The following CAMK2A variants were observed in gnomAD, a reference collection of about 807,000 sequenced individuals.
CAMK2A encodes calcium/calmodulin-dependent protein kinase type II subunit alpha.
Under a neutral mutation model 79.2 loss-of-function variants are expected in CAMK2A, and 7 were observed. That is an observed-to-expected ratio of 0.09 (90% confidence interval 0.05 to 0.17). CAMK2A has a LOEUF of 0.17. CAMK2A is among the 10% of genes least tolerant of loss of function. CAMK2A has a pLI of 1.00. For synonymous variants in CAMK2A, 242 were observed against 251.7 expected, an observed-to-expected ratio of 0.96 and a Z score of 0.36; for missense variants, 214 against 646.4, an observed-to-expected ratio of 0.33 and a Z score of 7.25.
At chr5:150,252,552 G>A (rs930691397) in intron 7 of CAMK2A, among the ~76,000 whole-genome samples, 10 of 152,304 alleles carry the variant, frequency 6.6e-5, no homozygotes, top group Non-Finnish European at 8.8e-5. Context: ...CCTTGGGTAC[G>A]TCTCTTTATC....
rs552292290 is a variant in CAMK2A, at chr5:150,282,692, C to T, written c.62+6872G>A. Among the ~76,000 whole-genome samples, 4 of 152,382 alleles carry T rather than the reference C, an allele frequency of 2.6e-5. No individual in the cohort carries two copies. The South Asian group carries it at 8.3e-4, about 32-fold the overall frequency. ...ACCATCTGTAAGACAATGGAGCCCT[C>T]TTCCCTCCAATATACTGAATCGAAC... On this transcript the variant is annotated intron_variant, in intron 1 of 18. Transcript: ENST00000671881.
At position 150,257,595 on chromosome 5, in the gene CAMK2A, T is replaced by C. The variant is rs770876692; in HGVS notation, c.240A>G (p.Ser80=). The C allele has an allele frequency of 6.4e-7, 1 of 1,570,228 alleles. No individual in the cohort carries two copies. The highest frequency in any genetic ancestry group is 1.2e-5 in the South Asian group (1 of 85,110). The change falls in exon 4 of 19, where the codon TCA becomes TCG. Residue 80 remains serine, a synonymous_variant. Coordinates refer to ENST00000671881, the MANE Select transcript of CAMK2A (RefSeq NM_015981.4). ...PNIVRLHDSI[S]EEGHHYLIFD... is the part of the protein sequence containing the mutation. ...AGATCAGGTAGTGGTGTCCCTCCTC[T>C]GAGATGCTGTCATGTAGTCGGACTG... is the stretch of plus-strand genomic sequence containing the variant.
intron 11 of CAMK2A, among the ~76,000 whole-genome samples, chr5:150,249,946 T>C (rs1183463100): frequency 1.3e-5 from 2 of 152,194 alleles, no homozygotes; most frequent in African/African-American, 4.8e-5. Flanking sequence ...ACCATTGTCC[T>C]GCTGCATTCT....
At chr5:150,254,012 C>T (rs942141269) in intron 6 of CAMK2A, among the ~76,000 whole-genome samples, 2 of 152,192 alleles carry the variant, frequency 1.3e-5, no homozygotes, top group Non-Finnish European at 2.9e-5. Context: ...CCCCTTGAAA[C>T]AGTCCATCTT....
chr5:150,256,495 T>C lies in CAMK2A; in HGVS notation c.411+78A>G, dbSNP rs947015427. 22 of 954,448 alleles carry C rather than the reference T, an allele frequency of 2.3e-5. No homozygotes were observed. In the Admixed American group the frequency reaches 4.2e-4, roughly 18 times the overall value. The allele number at this position is 954,448 out of a possible 1,614,324, so 59.1% of individuals were successfully genotyped here. A position where few individuals can be genotyped will look rare whatever the true frequency, so the allele number is the denominator to read the frequency against. ...AGAAATTAAAGCGATTCTGATAATG[T>C]CCAGCTCTGCAGGATTAGGGACGTG... On this transcript the variant is annotated intron_variant, in intron 6 of 18. Coordinates refer to ENST00000671881, the MANE Select transcript of CAMK2A (RefSeq NM_015981.4). The surrounding 1 kb of genome is among the most constrained non-coding windows in gnomAD (Gnocchi z 4.6).
intron 1 of CAMK2A, among the ~76,000 whole-genome samples, chr5:150,274,074 T>G (rs1230834578): frequency 6.6e-6 from 1 of 152,340 alleles, no homozygotes; most frequent in East Asian, 1.9e-4. Flanking sequence ...TCCTTTGCCC[T>G]TGTCAACACA....
chr5:150,228,317 C>G (rs749310158), intron 16 of CAMK2A, 31 bp from the exon 17 acceptor site: 7 of 1,540,048 alleles, frequency 4.5e-6, no homozygotes, highest in Non-Finnish European at 6.3e-6. Context: ...GGAAGAGGGA[C>G]TGGGGCGGCT....
At chr5:150,283,546 T>G (rs1045595273) in intron 1 of CAMK2A, among the ~76,000 whole-genome samples, 3 of 152,180 alleles carry the variant, frequency 2.0e-5, no homozygotes, top group African/African-American at 7.2e-5. Flanking sequence ...AGCTAACCTC[T>G]GGGTAACTCT....
intron 1 of CAMK2A, among the ~76,000 whole-genome samples, chr5:150,275,657 C>T (rs1296130253): frequency 6.6e-6 from 1 of 152,120 alleles, no homozygotes; most frequent in East Asian, 1.9e-4. Context: ...TTACATTTAC[C>T]AGTTGTGCAT....
Position 150,273,108 on chromosome 5 carries a change from C to T in CAMK2A, c.114G>A (p.Glu38=), listed in dbSNP as rs1372354441. The T allele has an allele frequency of 6.2e-7, 1 of 1,613,910 alleles. No homozygotes were observed. The highest frequency in any genetic ancestry group is 2.2e-5 in the East Asian group (1 of 44,838). ...RRCVKVLAGQ[E]YAAKIINTKK... Reference sequence around the variant, plus strand: ...TTGTGTTGATGATCTTGGCAGCATACTCCTGGCCAGCCAGCACCTTCACAC... The same window carrying T: ...TTGTGTTGATGATCTTGGCAGCATATTCCTGGCCAGCCAGCACCTTCACAC... The change falls in exon 2 of 19, where the codon GAG becomes GAA. Residue 38 remains glutamate, a synonymous_variant. Transcript: ENST00000671881.
intron 15 of CAMK2A, among the ~76,000 whole-genome samples, chr5:150,234,755 G>A (rs960553126): frequency 1.1e-4 from 17 of 152,224 alleles, no homozygotes; most frequent in African/African-American, 4.1e-4. Context: ...AGGGGGTGTA[G>A]CTCTGGTTGG....
upstream of CAMK2A, chr5:150,289,890 C>T: frequency 1.9e-6 from 1 of 513,412 alleles, no homozygotes; most frequent in African/African-American, 1.9e-5. Context: ...CTCCCCAACA[C>T]CTGCCTGCCT....
At chr5:150,242,977 C>A (rs957185477) in intron 13 of CAMK2A, among the ~76,000 whole-genome samples, 1 of 152,206 alleles carries the variant, frequency 6.6e-6, no homozygotes, top group Non-Finnish European at 1.5e-5. Context: ...CCCAGGCCAC[C>A]CTGAGAAGTC....
Position 150,228,193 on chromosome 5 carries a change from G to A in CAMK2A, c.1236C>T (p.Asn412=), listed in dbSNP as rs918026134. 3 of 1,612,236 alleles carry A rather than the reference G, an allele frequency of 1.9e-6. No individual in the cohort carries two copies. The highest frequency in any genetic ancestry group is 2.5e-6 in the Non-Finnish European group (3 of 1,178,672). Residue 412 remains asparagine, a splice_region_variant and synonymous_variant, in exon 17 of 19, where the codon AAC becomes AAT. Transcript: ENST00000671881. ...GLDFHRFYFE[N]LWSRNSKPVH... is the part of the protein sequence containing the mutation. ...CCACAGAGAGAAGGAATTGCTCACG[G>A]TTTTCAAAATAGAATCGATGGAAGT...
Position 150,245,150 on chromosome 5 carries a change from G to C in CAMK2A, c.984+11C>G, listed in dbSNP as rs1755508652. On this transcript the variant is annotated intron_variant, in intron 13 of 18. Transcript: ENST00000671881. ...AGAGCCAAGCCCTGCCAGGCTCCTG[G>C]AGGGGCTTACCTTCACACCATCGCT... 1 of 1,613,296 alleles carries C rather than the reference G, an allele frequency of 6.2e-7. No individual in the cohort carries two copies. Among genetic ancestry groups the C allele is most frequent in the South Asian group, 1.1e-5 (1 of 90,930 alleles).
intron 15 of CAMK2A, among the ~76,000 whole-genome samples, chr5:150,232,708 G>A (rs1468354460): frequency 2.0e-5 from 3 of 152,194 alleles, no homozygotes; most frequent in South Asian, 2.1e-4. Flanking sequence ...CAGTCTGGAA[G>A]CCTGGGAGGG....
intron 1 of CAMK2A, among the ~76,000 whole-genome samples, chr5:150,282,649 C>T (rs1757263322): frequency 6.6e-6 from 1 of 152,268 alleles, no homozygotes; most frequent in Non-Finnish European, 1.5e-5. Flanking sequence ...CGCCCTCACC[C>T]TCTCTGGGCC....
chr5:150,256,913 A>G lies in CAMK2A; in HGVS notation c.273-82T>C. 1 of 1,264,066 alleles carries G rather than the reference A, an allele frequency of 7.9e-7. No individual in the cohort carries two copies. Among genetic ancestry groups the G allele is most frequent in the Non-Finnish European group, 1.1e-6 (1 of 897,072 alleles). The allele number at this position is 1,264,066 out of a possible 1,614,324, so 78.3% of individuals were successfully genotyped here. A position where few individuals can be genotyped will look rare whatever the true frequency, so the allele number is the denominator to read the frequency against. ...TGGAGGAGTCTCCAGGAAACTAAGG[A>G]TGGGGCCCAGGGACCTCAGGACCTC... On this transcript the variant is annotated intron_variant, in intron 4 of 18. Coordinates refer to ENST00000671881, the MANE Select transcript of CAMK2A (RefSeq NM_015981.4). This position sits in a 1 kb window ranked among gnomAD's most constrained non-coding sequence, Gnocchi z 4.6.
At chr5:150,289,437 C>A (rs1029293667) in intron 1 of CAMK2A, 127 bp downstream of exon 1, 1 of 752,788 alleles carries the variant, frequency 1.3e-6, no homozygotes, top group Non-Finnish European at 2.3e-6. Flanking sequence ...TGCCCCCAAA[C>A]CCATGCAGCC....
Sources: allele counts gnomAD v4.1 joint callset (sites outside exome capture counted in the v4.1 genomes callset), GRCh38; gene constraint gnomAD v4.1.1; non-coding constraint Gnocchi (gnomAD v3.1); transcripts MANE v1.5; gene names NCBI Gene and HGNC (gene_info 2026-07-23, HGNC 2026-07-21).